The following SCAMP1 variants were observed in gnomAD, a reference collection of about 807,000 sequenced individuals.
SCAMP1 encodes the protein secretory carrier membrane protein 1, also known as secretory carrier-associated membrane protein 1.
SCAMP1 carries 15 observed loss-of-function variants against 41.8 expected under a neutral mutation model. The ratio of observed to expected loss-of-function variants is 0.36; its 90% CI spans 0.24 to 0.55. SCAMP1 has a LOEUF of 0.55. Among genes scored for constraint, SCAMP1 ranks in the 20% least tolerant of loss-of-function variants. The pLI is 0.86. For synonymous variants in SCAMP1, 135 were observed against 136.8 expected (o/e 0.99, Z 0.09); for missense variants, 341 against 412.6 (o/e 0.83, Z 1.50).
chr5:78,443,916 A>C (rs1015852684), intron 6 of SCAMP1, among the ~76,000 whole-genome samples: 3 of 152,006 alleles, frequency 2.0e-5, no homozygotes, highest in Non-Finnish European at 4.4e-5. Context: ...CTTGGCTCCT[A>C]AAGTTCTAGG....
intron 1 of SCAMP1, among the ~76,000 whole-genome samples, chr5:78,379,444 C>T (rs905369453): frequency 2.0e-4 from 31 of 152,090 alleles, no homozygotes; most frequent in African/African-American, 5.8e-4. Context: ...AGTTCTTTAC[C>T]TTCCTAAATC....
chr5:78,380,788 G>A (rs552799184), intron 1 of SCAMP1, among the ~76,000 whole-genome samples: 2 of 152,132 alleles, frequency 1.3e-5, no homozygotes, highest in Admixed American at 6.6e-5. Flanking sequence ...TTTGAAGGCC[G>A]GGAGCGGTGG....
intron 1 of SCAMP1, among the ~76,000 whole-genome samples, chr5:78,365,391 T>C (rs1750768254): frequency 6.7e-6 from 1 of 148,426 alleles, no homozygotes; most frequent in Non-Finnish European, 1.5e-5. Flanking sequence ...GGAGAATTGC[T>C]TGAACCTGGG....
intron 6 of SCAMP1, among the ~76,000 whole-genome samples, chr5:78,438,515 T>G (rs953748710): frequency 3.9e-5 from 6 of 152,244 alleles, no homozygotes; most frequent in African/African-American, 1.4e-4. Context: ...TCCATGTAGT[T>G]GAGCGGTTTT....
intron 2 of SCAMP1, among the ~76,000 whole-genome samples, chr5:78,411,263 G>A (rs776306415): frequency 2.0e-5 from 3 of 152,100 alleles, no homozygotes; most frequent in Non-Finnish European, 4.4e-5. Flanking sequence ...AGTTTTTATA[G>A]TTTTGGGTTT....
rs1194620597 is a variant in SCAMP1, at chr5:78,422,579, A to G, written c.632+619A>G. On this transcript the variant is annotated intron_variant, in intron 6 of 8. Coordinates refer to ENST00000621999, the MANE Select transcript of SCAMP1 (RefSeq NM_004866.6). Reference sequence around the variant, plus strand: ...AATAGGTGCTGGGGGAGAAAAAAAGAGCTCATAAGCTTAGTAAATTTGGGA... The same window carrying G: ...AATAGGTGCTGGGGGAGAAAAAAAGGGCTCATAAGCTTAGTAAATTTGGGA... 5.3e-5 allele frequency among the ~76,000 whole-genome samples: 8 copies of G among 152,278 alleles called. No individual in the cohort carries two copies. In the South Asian group the frequency reaches 1.2e-3, roughly 24 times the overall value.
intron 6 of SCAMP1, among the ~76,000 whole-genome samples, chr5:78,432,300 G>A (rs1580690752): frequency 6.6e-6 from 1 of 152,014 alleles, no homozygotes; most frequent in Non-Finnish European, 1.5e-5. Flanking sequence ...GTGTGTGTGG[G>A]TGTATATGTG....
chr5:78,477,162 C>A lies in SCAMP1; in HGVS notation c.*1494C>A, dbSNP rs1460465815. On this transcript the variant is annotated 3_prime_UTR_variant, in exon 9 of 9. Transcript: ENST00000621999. ...TTCATTCTCCCCAAACCTGTAGTTA[C>A]AGAAAAAGTTTTATGCTAGAGGTGG... 2 of 152,072 alleles carry A rather than the reference C, an allele frequency of 1.3e-5. No individual in the cohort carries two copies. The highest frequency in any genetic ancestry group is 2.4e-5 in the African/African-American group (1 of 41,416). The allele number at this position is 152,072 out of a possible 1,614,324, so 9.4% of individuals were successfully genotyped here.
intron 1 of SCAMP1, among the ~76,000 whole-genome samples, chr5:78,380,567 A>G (rs1039067058): frequency 5.3e-5 from 8 of 151,844 alleles, no homozygotes; most frequent in Non-Finnish European, 8.8e-5. Flanking sequence ...TTTTATTTAC[A>G]CTTTTTGAAC....
intron 6 of SCAMP1, among the ~76,000 whole-genome samples, chr5:78,428,458 C>T (rs947845915): frequency 1.3e-5 from 2 of 152,140 alleles, no homozygotes; most frequent in Non-Finnish European, 2.9e-5. Context: ...TATTTTTGGA[C>T]TCAGTTCTGA....
chr5:78,465,106 TG>T (rs1284114209), intron 8 of SCAMP1, among the ~76,000 whole-genome samples: 2 of 152,198 alleles, frequency 1.3e-5, no homozygotes, highest in Non-Finnish European at 2.9e-5. Context: ...TTTGTTGCCT[TG>T]TATCTTAGGG....
intron 1 of SCAMP1, among the ~76,000 whole-genome samples, chr5:78,382,705 A>G (rs141272612): frequency 1.3e-5 from 2 of 152,106 alleles, no homozygotes; most frequent in Non-Finnish European, 2.9e-5. Context: ...TTAGAATAAT[A>G]TCTCCAATTC....
At chr5:78,437,418 G>GT (rs1458444992) in intron 6 of SCAMP1, among the ~76,000 whole-genome samples, 1 of 151,980 alleles carries the variant, frequency 6.6e-6, no homozygotes, top group Non-Finnish European at 1.5e-5. Flanking sequence ...AGTTTTTAGC[G>GT]TGAAGCGCTG....
At chr5:78,461,545 A>G (rs1414201622) in intron 8 of SCAMP1, among the ~76,000 whole-genome samples, 2 of 152,124 alleles carry the variant, frequency 1.3e-5, no homozygotes, top group African/African-American at 2.4e-5. Flanking sequence ...ACTGGTTACC[A>G]TGCTGCTTGC....
chr5:78,398,598 C>G (rs1478139958), intron 2 of SCAMP1, among the ~76,000 whole-genome samples: 1 of 124,190 alleles, frequency 8.1e-6, no homozygotes, highest in African/African-American at 3.1e-5. Flanking sequence ...GTCGCCCAGG[C>G]TGGAGTGCGA....
At chr5:78,438,115 T>C (rs894239170) in intron 6 of SCAMP1, among the ~76,000 whole-genome samples, 1 of 152,232 alleles carries the variant, frequency 6.6e-6, no homozygotes, top group Non-Finnish European at 1.5e-5. Context: ...TTCTTCTTTA[T>C]CAGTCTTGCT....
intron 1 of SCAMP1, among the ~76,000 whole-genome samples, chr5:78,366,946 A>T (rs1580639059): frequency 6.6e-6 from 1 of 151,628 alleles, no homozygotes; most frequent in South Asian, 2.1e-4. Flanking sequence ...AACCCAAAAA[A>T]CAAACAAAAA....
chr5:78,454,467 T>G (rs1753330221), intron 7 of SCAMP1, among the ~76,000 whole-genome samples: 1 of 148,828 alleles, frequency 6.7e-6, no homozygotes, highest in Admixed American at 6.6e-5. Flanking sequence ...TTGGCTCTGT[T>G]TATATGCTGG....
chr5:78,372,701 T>G (rs1750970394), intron 1 of SCAMP1, among the ~76,000 whole-genome samples: 1 of 152,172 alleles, frequency 6.6e-6, no homozygotes, highest in South Asian at 2.1e-4. Context: ...TGATATATAA[T>G]AGCTTCTAAA....
Sources: allele counts gnomAD v4.1 joint callset (sites outside exome capture counted in the v4.1 genomes callset), GRCh38; gene constraint gnomAD v4.1.1; transcripts MANE v1.5; gene names NCBI Gene and HGNC (gene_info 2026-07-23, HGNC 2026-07-21).